Variants in AK4 observed in about 807,000 individuals in gnomAD.
AK4 encodes the protein adenylate kinase 4, mitochondrial.
A neutral mutation model predicts 24.6 loss-of-function variants in AK4; 13 were observed. The ratio of observed to expected loss-of-function variants is 0.53; its 90% CI spans 0.34 to 0.84. AK4 has a LOEUF of 0.84. Among genes scored for constraint, AK4 ranks in the 40% least tolerant of loss-of-function variants. The pLI is 0.01. For synonymous variants in AK4, 88 were observed against 107.0 expected (o/e 0.82, Z 1.10); for missense variants, 192 against 288.2 (o/e 0.67, Z 2.42).
chr1:65,163,557 T>C (rs141654048), intron 1 of AK4, among the ~76,000 whole-genome samples: 2,096 of 152,334 alleles, frequency 0.014, 20 homozygotes, highest in Non-Finnish European at 0.023. Context: ...GCTATTGTTA[T>C]AGTCACATAC....
intron 1 of AK4, among the ~76,000 whole-genome samples, chr1:65,163,523 G>A (rs1380006094): frequency 3.3e-5 from 5 of 152,200 alleles, no homozygotes; most frequent in Non-Finnish European, 4.4e-5. Flanking sequence ...TTGAAGTATG[G>A]CCACTGGTAT....
At chr1:65,153,977 G>C (rs1006535675) in intron 1 of AK4, among the ~76,000 whole-genome samples, 4 of 152,244 alleles carry the variant, frequency 2.6e-5, no homozygotes, top group Admixed American at 6.5e-5. Flanking sequence ...AGATCAGGTA[G>C]AGCCTGGGGG....
At chr1:65,174,577 G>A (rs1340659150) in intron 1 of AK4, among the ~76,000 whole-genome samples, 1 of 152,144 alleles carries the variant, frequency 6.6e-6, no homozygotes, top group African/African-American at 2.4e-5. Context: ...AAGTCACTGA[G>A]CTCAACAAGA....
At chr1:65,172,377 T>C (rs953265461) in intron 1 of AK4, among the ~76,000 whole-genome samples, 2 of 152,002 alleles carry the variant, frequency 1.3e-5, no homozygotes, top group Non-Finnish European at 2.9e-5. Context: ...AGAGCAGCTG[T>C]GGCAGCTGCT....
chr1:65,181,946 C>G (rs1230292450), intron 1 of AK4, among the ~76,000 whole-genome samples: 1 of 152,076 alleles, frequency 6.6e-6, no homozygotes, highest in Admixed American at 6.6e-5. Flanking sequence ...AGGAGTGCCT[C>G]TCTCTGTTGC....
intron 1 of AK4, chr1:65,154,559 G>A (rs183885466): frequency 1.1e-4 from 60 of 522,618 alleles, no homozygotes; most frequent in East Asian, 8.9e-4. Flanking sequence ...TGTTCAAACC[G>A]GCACTGTCTG....
chr1:65,156,587 A>G (rs1649992112), intron 1 of AK4, among the ~76,000 whole-genome samples: 1 of 152,172 alleles, frequency 6.6e-6, no homozygotes. Context: ...AGCTTTGTTT[A>G]TGTGGGTTAC....
chr1:65,151,396 G>A (rs1289490734), intron 1 of AK4, among the ~76,000 whole-genome samples: 2 of 152,110 alleles, frequency 1.3e-5, no homozygotes, highest in African/African-American at 4.8e-5. Context: ...CTAGGTGCTG[G>A]GGGCAATAGC....
At chr1:65,155,669 T>C (rs4916024) in intron 1 of AK4, among the ~76,000 whole-genome samples, 138,238 of 150,514 alleles carry the variant, frequency 0.92, 63,685 homozygotes, top group East Asian at 1. Flanking sequence ...TAGATGGAGT[T>C]TTGCTTTAGA....
intron 2 of AK4, among the ~76,000 whole-genome samples, chr1:65,206,562 C>T (rs1651817491): frequency 6.6e-6 from 1 of 152,226 alleles, no homozygotes; most frequent in Non-Finnish European, 1.5e-5. Context: ...AGCCAGACCC[C>T]ATCTGCGTGT....
chr1:65,163,562 A>G (rs11208598), intron 1 of AK4, among the ~76,000 whole-genome samples: 24,865 of 152,132 alleles, frequency 0.16, 3,161 homozygotes, highest in African/African-American at 0.34. Context: ...TGTTATAGTC[A>G]CATACTCCTA....
intron 1 of AK4, among the ~76,000 whole-genome samples, chr1:65,157,605 G>A (rs1174599987): frequency 6.6e-6 from 1 of 152,070 alleles, no homozygotes; most frequent in Non-Finnish European, 1.5e-5. Context: ...ATAACGTAGC[G>A]AGACCTCATC....
At chr1:65,179,576 T>A (rs1424833381) in intron 1 of AK4, among the ~76,000 whole-genome samples, 1 of 152,194 alleles carries the variant, frequency 6.6e-6, no homozygotes, top group African/African-American at 2.4e-5. Flanking sequence ...TGGTGGCTCA[T>A]GCCTGTAATC....
rs373568860 is a variant in AK4 at position 65,224,714 on chromosome 1, C to T, written c.439-38C>T. Reference sequence around the variant, plus strand: ...GTTTTTAACCTATGAAATGGCCCAACTGTTGTCTATATTAATTGGTTTATT... The same window carrying T: ...GTTTTTAACCTATGAAATGGCCCAATTGTTGTCTATATTAATTGGTTTATT... On this transcript the variant is annotated intron_variant, in intron 3 of 4. Transcript: ENST00000327299. 10 of 1,556,418 alleles carry T rather than the reference C, an allele frequency of 6.4e-6. No homozygotes were observed. In the African/African-American group the frequency reaches 8.2e-5, roughly 13 times the overall value.
chr1:65,184,513 G>A (rs998202754), intron 1 of AK4, among the ~76,000 whole-genome samples: 2 of 152,140 alleles, frequency 1.3e-5, no homozygotes, highest in Admixed American at 1.3e-4. Flanking sequence ...AACCTTCCTA[G>A]TGTTTTCTGA....
intron 1 of AK4, among the ~76,000 whole-genome samples, chr1:65,188,407 TAAAAG>T (rs1335545342): frequency 6.6e-6 from 1 of 151,900 alleles, no homozygotes; most frequent in Non-Finnish European, 1.5e-5. Flanking sequence ...AAAATAAAAA[TAAAAG>T]AAAGTGGGGT....
intron 2 of AK4, among the ~76,000 whole-genome samples, chr1:65,203,488 G>A (rs1651726001): frequency 6.6e-6 from 1 of 151,946 alleles, no homozygotes; most frequent in African/African-American, 2.4e-5. Flanking sequence ...CCCTCATAAA[G>A]CACATTTGGG....
chr1:65,222,128 A>G (rs1652316811), intron 3 of AK4, among the ~76,000 whole-genome samples: 1 of 152,176 alleles, frequency 6.6e-6, no homozygotes, highest in Non-Finnish European at 1.5e-5. Flanking sequence ...TAGGGCTCAC[A>G]GATTGTTTGG....
rs1274868294 is a variant in AK4 at position 65,227,381 on chromosome 1, T to C, written c.*1204T>C. 2 of 152,484 alleles carry C rather than the reference T, an allele frequency of 1.3e-5. No individual in the cohort carries two copies. Among genetic ancestry groups the C allele is most frequent in the African/African-American group, 4.8e-5 (2 of 41,398 alleles). 9.4% of individuals were successfully genotyped at this position (152,484 alleles called of 1,614,324 possible). ...TTTATGATTATGAGAAAACAAATTC[T>C]TTATTTTTTTTTTCTGTTCCAAAGA... On this transcript the variant is annotated 3_prime_UTR_variant, in exon 5 of 5. Transcript: ENST00000327299.
Sources: gnomAD v4.1 joint callset for allele counts (sites outside exome capture counted in the v4.1 genomes callset) on GRCh38, gnomAD v4.1.1 for gene constraint, MANE v1.5 for transcripts, NCBI Gene and HGNC (gene_info 2026-07-23, HGNC 2026-07-21) for gene names.